Variants in HLCS observed in about 807,000 individuals in gnomAD.
HLCS encodes biotin--protein ligase.
In HLCS, 53 loss-of-function variants were observed where a neutral mutation model predicts 75.0. That is an observed-to-expected ratio of 0.71 (90% CI 0.57 to 0.89). The LOEUF (loss-of-function observed/expected upper bound fraction) is 0.89, where lower values mean the gene tolerates loss of function less well. Among genes scored for constraint, HLCS ranks in the 40% least tolerant of loss-of-function variants. The pLI is 0.00. For missense variants in HLCS, 966 were observed against 1,074.0 expected (o/e 0.90, Z 1.41); for synonymous variants, 431 against 428.6 (o/e 1.01, Z -0.07).
intron 6 of HLCS, among the ~76,000 whole-genome samples, chr21:36,770,369 A>C (rs1446420291): frequency 2.0e-5 from 3 of 150,074 alleles, no homozygotes; most frequent in Non-Finnish European, 3.0e-5. Flanking sequence ...CTGGTCTTGA[A>C]CTCCTGGCCT....
chr21:36,891,905 A>G (rs2064802043), intron 6 of HLCS, among the ~76,000 whole-genome samples: 1 of 152,146 alleles, frequency 6.6e-6, no homozygotes, highest in South Asian at 2.1e-4. Context: ...TGTGCCAAAG[A>G]TATGATTAAG....
rs1382836088 is a variant in HLCS, at chr21:36,962,029, TACTC to T, written c.330+3_330+6del. 4 of 1,287,962 alleles carry T rather than the reference TACTC, an allele frequency of 3.1e-6. No homozygotes were observed. The highest frequency in any genetic ancestry group is 5.6e-5 in the East Asian group (1 of 17,996). The allele number at this position is 1,287,962 out of a possible 1,614,324, so 79.8% of individuals were successfully genotyped here. A position where few individuals can be genotyped will look rare whatever the true frequency, so the allele number is the denominator to read the frequency against. ...CCTTATGGGACACAAGTAAACATGG[TACTC>T]ACTGTTTCTGAAGAGGATGATCTCT... On this transcript the variant is annotated splice_donor_5th_base_variant and intron_variant, in intron 2 of 10. Coordinates refer to ENST00000674895, the MANE Select transcript of HLCS (RefSeq NM_001352514.2).
At chr21:36,959,959 A>T (rs548708260) in intron 2 of HLCS, among the ~76,000 whole-genome samples, 1 of 152,284 alleles carries the variant, frequency 6.6e-6, no homozygotes, top group South Asian at 2.1e-4. Context: ...AGAAGCCAAG[A>T]TCTAGGGGCT....
chr21:36,866,508 A>G (rs1016645036), intron 6 of HLCS, among the ~76,000 whole-genome samples: 3 of 152,362 alleles, frequency 2.0e-5, no homozygotes, highest in East Asian at 1.9e-4. Context: ...CTGACTAGAT[A>G]TAAGCTGTTG....
intron 6 of HLCS, among the ~76,000 whole-genome samples, chr21:36,852,808 C>T (rs1012399426): frequency 1.3e-5 from 2 of 152,160 alleles, no homozygotes; most frequent in Non-Finnish European, 2.9e-5. Flanking sequence ...AACCATCCCT[C>T]AGACACAGGA....
chr21:36,975,962 C>G (rs907665641), intron 1 of HLCS, among the ~76,000 whole-genome samples: 1 of 152,112 alleles, frequency 6.6e-6, no homozygotes, highest in Non-Finnish European at 1.5e-5. Context: ...AAGGAAGAAA[C>G]TGAATTTTAG....
chr21:36,853,879 A>C (rs2063097162), intron 6 of HLCS, among the ~76,000 whole-genome samples: 1 of 152,214 alleles, frequency 6.6e-6, no homozygotes, highest in Non-Finnish European at 1.5e-5. Context: ...TTAAAAATTA[A>C]TTCCATCCAA....
At chr21:36,928,696 C>A (rs1175035537) in intron 5 of HLCS, among the ~76,000 whole-genome samples, 1 of 152,202 alleles carries the variant, frequency 6.6e-6, no homozygotes, top group African/African-American at 2.4e-5. Context: ...AAGTAGTCCA[C>A]AGCACAGATA....
intron 5 of HLCS, 38 bp from the exon 6 acceptor site, chr21:36,897,169 G>C (rs1490768832): frequency 6.2e-7 from 1 of 1,611,628 alleles, no homozygotes; most frequent in African/African-American, 1.3e-5. Context: ...GTCGTAATTT[G>C]GCATTACATT....
intron 6 of HLCS, among the ~76,000 whole-genome samples, chr21:36,801,309 C>T (rs1303807912): frequency 6.6e-6 from 1 of 152,176 alleles, no homozygotes; most frequent in Non-Finnish European, 1.5e-5. Flanking sequence ...GTAGTTGCCT[C>T]TATCCTGTGA....
At chr21:36,982,694 G>A (rs1286030236) in intron 1 of HLCS, among the ~76,000 whole-genome samples, 5 of 152,152 alleles carry the variant, frequency 3.3e-5, no homozygotes, top group Non-Finnish European at 1.5e-5. Flanking sequence ...GCTGGGATTA[G>A]ACCCATGAAT....
upstream of HLCS, among the ~76,000 whole-genome samples, chr21:36,971,257 T>A (rs1350090149): frequency 6.6e-6 from 1 of 152,212 alleles, no homozygotes; most frequent in African/African-American, 2.4e-5. Flanking sequence ...TTCACTGAGA[T>A]GGCCTCAGAG....
At chr21:36,960,388 G>A (rs1176838264) in intron 2 of HLCS, among the ~76,000 whole-genome samples, 1 of 152,148 alleles carries the variant, frequency 6.6e-6, no homozygotes, top group Non-Finnish European at 1.5e-5. Flanking sequence ...AAAATACCTA[G>A]CAAGGGCTCA....
chr21:36,794,814 G>A (rs1186737987), intron 6 of HLCS, among the ~76,000 whole-genome samples: 1 of 152,154 alleles, frequency 6.6e-6, no homozygotes, highest in Non-Finnish European at 1.5e-5. Flanking sequence ...CTGAAAGGAA[G>A]ATGGAGTCAA....
chr21:36,916,569 G>A (rs543602900), intron 5 of HLCS, among the ~76,000 whole-genome samples: 2 of 132,348 alleles, frequency 1.5e-5, no homozygotes, highest in South Asian at 4.8e-4. Flanking sequence ...GTGGAGTCTC[G>A]CTGTGTTGCC....
intron 6 of HLCS, among the ~76,000 whole-genome samples, chr21:36,854,502 C>A (rs905176160): frequency 6.6e-6 from 1 of 152,114 alleles, no homozygotes. Flanking sequence ...GGGGGAGTGA[C>A]TTCTTAGGCG....
At chr21:36,789,289 A>G (rs566115311) in intron 6 of HLCS, among the ~76,000 whole-genome samples, 1 of 152,364 alleles carries the variant, frequency 6.6e-6, no homozygotes, top group Admixed American at 6.5e-5. Flanking sequence ...CTTCTTAAAC[A>G]GTACATACCA....
At chr21:36,856,269 C>T (rs1361774664) in intron 6 of HLCS, among the ~76,000 whole-genome samples, 1 of 152,040 alleles carries the variant, frequency 6.6e-6, no homozygotes, top group Admixed American at 6.5e-5. Context: ...AAGTATTGGT[C>T]AAATTTGGTT....
intron 6 of HLCS, among the ~76,000 whole-genome samples, chr21:36,817,852 C>A (rs1009200745): frequency 6.6e-6 from 1 of 152,242 alleles, no homozygotes; most frequent in Non-Finnish European, 1.5e-5. Context: ...CGATCCTACA[C>A]ATCAAACCCT....
Sources: gnomAD v4.1 joint callset for allele counts (sites outside exome capture counted in the v4.1 genomes callset) on GRCh38, gnomAD v4.1.1 for gene constraint, MANE v1.5 for transcripts, NCBI Gene and HGNC (gene_info 2026-07-23, HGNC 2026-07-21) for gene names.